Variants in CYP2A13 observed in about 807,000 individuals in gnomAD.
CYP2A13 encodes the protein cytochrome P450 2A13.
A neutral mutation model predicts 39.4 loss-of-function variants in CYP2A13; 30 were observed. The ratio of observed to expected loss-of-function variants is 0.76; its 90% CI spans 0.57 to 1.03. The LOEUF (loss-of-function observed/expected upper bound fraction) is 1.03. Ranked by LOEUF, CYP2A13 falls within the 50% of genes least tolerant of loss-of-function variation. CYP2A13 has a pLI of 0.00. For synonymous variants in CYP2A13, 269 were observed against 254.7 expected, an observed-to-expected ratio of 1.06 and a Z score of -0.54; for missense variants, 731 against 648.4, an observed-to-expected ratio of 1.13 and a Z score of -1.38.
intron 2 of CYP2A13, 36 bp downstream of exon 2, chr19:41,089,127 T>G: frequency 6.2e-7 from 1 of 1,610,722 alleles, no homozygotes; most frequent in Non-Finnish European, 8.5e-7. Flanking sequence ...GGTGGCCAGG[T>G]GGATGCAATG....
chr19:41,088,675 T>C (rs2031095109), intron 1 of CYP2A13, 24 bp downstream of exon 1: 2 of 1,601,400 alleles, frequency 1.2e-6, no homozygotes. Flanking sequence ...GGGAGATGGG[T>C]GGCACGGGGT....
rs1024843335 is a variant in CYP2A13, at chr19:41,088,846, C to G, written c.181-83C>G. ...TGACTGTGAGAACCTGGGGGCGAAG[C>G]ATCCCAGTACATGATATCTCAGTGC... is the stretch of plus-strand genomic sequence containing the variant. On this transcript the variant is annotated intron_variant, in intron 1 of 8. Coordinates refer to ENST00000330436, the MANE Select transcript of CYP2A13 (RefSeq NM_000766.5). 7 of 1,571,738 alleles carry G rather than the reference C, an allele frequency of 4.5e-6. No individual in the cohort carries two copies. In the Admixed American group the frequency reaches 7.1e-5, roughly 16 times the overall value.
At chr19:41,093,926 G>T (rs1285224460) in intron 6 of CYP2A13, among the ~76,000 whole-genome samples, 155 bp downstream of exon 6, 1 of 152,082 alleles carries the variant, frequency 6.6e-6, no homozygotes, top group Non-Finnish European at 1.5e-5. Flanking sequence ...CATCAGCTGA[G>T]TCTCATTAGC....
In CYP2A13 at chr19:41,091,749, T is replaced by C; in HGVS notation, c.672T>C (p.Ser224=). 1 of 1,613,976 alleles carries C rather than the reference T, an allele frequency of 6.2e-7. No individual in the cohort carries two copies. Among genetic ancestry groups the C allele is most frequent in the Non-Finnish European group, 8.5e-7 (1 of 1,179,866 alleles). ...AACCCCAGCTCTATGAGATGTTCTC[T>C]TCGGTGATGAAACACCTGCCAGGAC... ...TSTGQLYEMF[S]SVMKHLPGPQ... The change falls in exon 5 of 9, where the codon TCT becomes TCC. Residue 224 remains serine (S), a synonymous_variant. Transcript: ENST00000330436.
Position 41,089,804 on chromosome 19 carries a change from GTCTCTC to G in CYP2A13, c.344-180_344-175del, listed in dbSNP as rs752348205. 6.8e-3 allele frequency among the ~76,000 whole-genome samples: 180 copies of G among 26,548 alleles called. 17 individuals carry two copies. Among genetic ancestry groups the G allele is most frequent in the East Asian group, 0.022 (22 of 984 alleles). The allele number at this position is 26,548 out of a possible 152,430, so 17.4% of individuals were successfully genotyped here. ...CTGATTCTCTTATTCTTTCTACCCG[GTCTCTC>G]TCTCTCTCTCTCTCTCTCTCTCTCT... On this transcript the variant is annotated intron_variant, in intron 2 of 8. Coordinates refer to ENST00000330436, the MANE Select transcript of CYP2A13 (RefSeq NM_000766.5).
intron 7 of CYP2A13, 79 bp from the exon 8 acceptor site, chr19:41,094,880 G>A: frequency 6.4e-7 from 1 of 1,560,980 alleles, no homozygotes; most frequent in Non-Finnish European, 8.8e-7. Context: ...GGGCACCCTA[G>A]TTCCCCCTGC....
At position 41,090,179 on chromosome 19, in the gene CYP2A13, C is replaced by G; in HGVS notation, c.476C>G (p.Ala159Gly). The G allele has an allele frequency of 6.3e-7, 1 of 1,581,516 alleles. No homozygotes were observed. Among genetic ancestry groups the G allele is most frequent in the Non-Finnish European group, 8.6e-7 (1 of 1,163,130 alleles). ...GAGGAGGCGGGCTTCCTCATCGACGCCCTCCGGGGCACGCACGGTGAGTAG... is the reference window on the plus strand; with the variant it reads ...GAGGAGGCGGGCTTCCTCATCGACGGCCTCCGGGGCACGCACGGTGAGTAG... Reference protein sequence around the residue: ...IQEEAGFLIDALRGTHGANID... With the variant: ...IQEEAGFLIDGLRGTHGANID... Residue 159 changes from alanine to glycine, a missense_variant, in exon 3 of 9, where the codon GCC becomes GGC. Ala to Gly is a moderately conservative substitution (Grantham distance 60, BLOSUM62 0). Coordinates refer to ENST00000330436, the MANE Select transcript of CYP2A13 (RefSeq NM_000766.5).
Position 41,090,031 on chromosome 19 carries a change from G to C in CYP2A13, c.344-16G>C, listed in dbSNP as rs770939986. 6.2e-7 allele frequency: 1 copy of C among 1,607,716 alleles called. No individual in the cohort carries two copies. The highest frequency in any genetic ancestry group is 1.1e-5 in the South Asian group (1 of 90,508). On this transcript the variant is annotated splice_polypyrimidine_tract_variant and intron_variant, in intron 2 of 8. Transcript: ENST00000330436. ...CGCCCCCTGACCTCTCTCCACCCCC[G>C]CGTTCACCTCCCCAGGCGTGGCGTT...
At position 41,088,468 on chromosome 19, in the gene CYP2A13, C is replaced by T. The variant is rs767086156; in HGVS notation, c.-4C>T. 10 of 1,612,260 alleles carry T rather than the reference C, an allele frequency of 6.2e-6. No individual in the cohort carries two copies. In the African/African-American group the frequency reaches 1.1e-4, roughly 17 times the overall value. On this transcript the variant is annotated 5_prime_UTR_variant, in exon 1 of 9. Transcript: ENST00000330436. ...CCATCACCATCTATCATCCCACTGC[C>T]ACCATGCTGGCCTCAGGGCTGCTTC...
Position 41,090,146 on chromosome 19 carries a change from G to A in CYP2A13, c.443G>A (p.Arg148His), listed in dbSNP as rs1599653851. The A allele has an allele frequency of 6.2e-7, 1 of 1,600,886 alleles. No individual in the cohort carries two copies. Among genetic ancestry groups the A allele is most frequent in the Non-Finnish European group, 8.5e-7 (1 of 1,172,880 alleles). ...GTGGGCAAGCGCGGCATCGAGGAAC[G>A]CATCCAGGAGGAGGCGGGCTTCCTC... ...FGVGKRGIEE[R>H]IQEEAGFLID... Residue 148 changes from arginine (R) to histidine (H), a missense_variant, in exon 3 of 9, where the codon CGC becomes CAC. By Grantham distance (29) the Arg-to-His change is conservative. Coordinates refer to ENST00000330436, the MANE Select transcript of CYP2A13 (RefSeq NM_000766.5).
chr19:41,088,776 C>A, intron 1 of CYP2A13, 125 bp downstream of exon 1: 1 of 1,534,796 alleles, frequency 6.5e-7, no homozygotes, highest in Non-Finnish European at 8.8e-7. Flanking sequence ...GTTTCAGCAT[C>A]AGGGTCCTAG....
chr19:41,094,964 T>C lies in CYP2A13; in HGVS notation c.1167T>C (p.Thr389=), dbSNP rs772139548. Residue 389 remains threonine, a synonymous_variant, in exon 8 of 9, where the codon ACT becomes ACC. Coordinates refer to ENST00000330436, the MANE Select transcript of CYP2A13 (RefSeq NM_000766.5). ...KFRDFFLPKG[T]EVFPMLGSVL... ...ACCTTCCTCCTCCCTCCCAGGGCAC[T>C]GAAGTGTTCCCTATGCTGGGCTCCG... The C allele has an allele frequency of 1.4e-5, 22 of 1,614,028 alleles. No individual in the cohort carries two copies. Among genetic ancestry groups the C allele is most frequent in the Non-Finnish European group, 1.7e-5 (20 of 1,179,994 alleles).
chr19:41,090,211 C>G lies in CYP2A13; in HGVS notation c.493+15C>G. On this transcript the variant is annotated intron_variant, in intron 3 of 8. Transcript: ENST00000330436. Reference sequence around the variant, plus strand: ...GGGCACGCACGGTGAGTAGGGGACCCCGAGTGCGAGGGCGGGAACCCGCGC... The same window carrying G: ...GGGCACGCACGGTGAGTAGGGGACCGCGAGTGCGAGGGCGGGAACCCGCGC... 6.4e-7 allele frequency: 1 copy of G among 1,555,208 alleles called. No individual in the cohort carries two copies. Among genetic ancestry groups the G allele is most frequent in the Non-Finnish European group, 8.7e-7 (1 of 1,149,694 alleles).
In CYP2A13 at chr19:41,095,252, T is replaced by A. The variant is rs569232936; in HGVS notation, c.1303+152T>A. 3.2e-4 allele frequency: 468 copies of A among 1,454,364 alleles called. No individual in the cohort carries two copies. The African/African-American group carries it at 5.8e-3, about 18-fold the overall frequency. 90.1% of individuals were successfully genotyped at this position (1,454,364 alleles called of 1,614,324 possible). ...TGAGCCGCCACCAGCTGATACTCCC[T>A]TAACTGCCAAGCACCCAATACCTGC... On this transcript the variant is annotated intron_variant, in intron 8 of 8. Coordinates refer to ENST00000330436, the MANE Select transcript of CYP2A13 (RefSeq NM_000766.5).
chr19:41,093,568 GC>G, intron 5 of CYP2A13, 61 bp from the exon 6 acceptor site: 1 of 1,603,946 alleles, frequency 6.2e-7, no homozygotes, highest in Non-Finnish European at 8.5e-7. Context: ...CAAAGGAAAA[GC>G]CCTAGAAGGG....
At chr19:41,094,212 T>G (rs2031250254) in intron 6 of CYP2A13, 33 bp from the exon 7 acceptor site, 1 of 1,610,478 alleles carries the variant, frequency 6.2e-7, no homozygotes. Flanking sequence ...CTAAGACCCC[T>G]AGACACCTAA....
chr19:41,089,199 CCT>C (rs1238203927), intron 2 of CYP2A13, 108 bp downstream of exon 2: 4 of 1,540,940 alleles, frequency 2.6e-6, no homozygotes, highest in Non-Finnish European at 3.5e-6. Flanking sequence ...GGCAGAGCCC[CCT>C]GTCTGGTCTT....
intron 2 of CYP2A13, among the ~76,000 whole-genome samples, chr19:41,089,806 C>A (rs1422010386): frequency 1.1e-3 from 1 of 948 alleles, no homozygotes; most frequent in Non-Finnish European, 2.6e-3. Context: ...TCTACCCGGT[C>A]TCTCTCTCTC....
chr19:41,089,674 C>T (rs1369752089), intron 2 of CYP2A13, among the ~76,000 whole-genome samples: 4 of 151,844 alleles, frequency 2.6e-5, no homozygotes, highest in African/African-American at 4.8e-5. Flanking sequence ...CTTCCCCTCC[C>T]TCCATCTCTC....
Sources: allele counts gnomAD v4.1 joint callset (sites outside exome capture counted in the v4.1 genomes callset), GRCh38; gene constraint gnomAD v4.1.1; transcripts MANE v1.5; gene names NCBI Gene and HGNC (gene_info 2026-07-23, HGNC 2026-07-21).